TBC1D12: variants seen among roughly 807,000 people sequenced by gnomAD.
TBC1D12 encodes the protein TBC1 domain family member 12.
A neutral mutation model predicts 86.7 loss-of-function variants in TBC1D12; 56 were observed. The ratio of observed to expected loss-of-function variants is 0.65; its 90% confidence interval spans 0.52 to 0.81. The LOEUF is 0.81. Ranked by LOEUF, TBC1D12 falls within the 30% of genes least tolerant of loss-of-function variation. The probability of loss-of-function intolerance (pLI) is 0.00; values close to 1 mark genes in which losing one functional copy is unlikely to be tolerated. For synonymous variants in TBC1D12, 421 were observed against 411.7 expected, an observed-to-expected ratio of 1.02 and a Z score of -0.27; for missense variants, 1,023 against 1,038.8, an observed-to-expected ratio of 0.98 and a Z score of 0.21.
intron 2 of TBC1D12, among the ~76,000 whole-genome samples, chr10:94,453,801 G>T (rs2055587284): frequency 6.6e-6 from 1 of 152,066 alleles, no homozygotes; most frequent in South Asian, 2.1e-4. Context: ...ATGGATGTAA[G>T]GTCTGTATGT....
At position 94,522,784 on chromosome 10, in the gene TBC1D12, G is replaced by A. The variant is rs563960167; in HGVS notation, c.2000+331G>A. 3.3e-5 allele frequency among the ~76,000 whole-genome samples: 5 copies of A among 152,078 alleles called. No homozygotes were observed. In the East Asian group the frequency reaches 9.7e-4, roughly 29 times the overall value. ...CAAAAACTTAGTCTTGGCCAGGCAC[G>A]GTGGCTCATGCCTGTAATCTTAGCA... On this transcript the variant is annotated intron_variant, in intron 11 of 12. Transcript: ENST00000225235.
At chr10:94,459,058 GGT>G (rs2055677990) in intron 2 of TBC1D12, among the ~76,000 whole-genome samples, 7 of 364 alleles carry the variant, frequency 0.019, no homozygotes, top group Admixed American at 0.13. Context: ...CCTACTGATT[GGT>G]CCATTTTACA....
chr10:94,450,205 T>A (rs2055528512), intron 2 of TBC1D12, among the ~76,000 whole-genome samples: 1 of 152,114 alleles, frequency 6.6e-6, no homozygotes, highest in Non-Finnish European at 1.5e-5. Context: ...AGCCTTTGAG[T>A]TATTTCAGTA....
rs761267403 is a variant in TBC1D12, at chr10:94,531,466, G to A, written c.2259+6G>A. 2 of 1,603,874 alleles carry A rather than the reference G, an allele frequency of 1.2e-6. No individual in the cohort carries two copies. The highest frequency in any genetic ancestry group is 1.7e-6 in the Non-Finnish European group (2 of 1,173,872). ...GCACCAAAAAATGGACTCAGGTAGA[G>A]TGACATTTTCTTATCTTTAATAGAT... is the stretch of plus-strand genomic sequence containing the variant. On this transcript the variant is annotated splice_donor_region_variant and intron_variant, in intron 12 of 12. Coordinates refer to ENST00000225235, the MANE Select transcript of TBC1D12 (RefSeq NM_015188.2).
intron 1 of TBC1D12, among the ~76,000 whole-genome samples, chr10:94,408,595 C>T (rs991584537): frequency 6.6e-6 from 1 of 152,086 alleles, no homozygotes; most frequent in Admixed American, 6.6e-5. Flanking sequence ...AAGTCAGCCA[C>T]GTCCTTTTTT....
At chr10:94,519,347 T>G (rs1842081163) in intron 9 of TBC1D12, among the ~76,000 whole-genome samples, 1 of 152,202 alleles carries the variant, frequency 6.6e-6, no homozygotes, top group South Asian at 2.1e-4. Flanking sequence ...GTCTCTGTGC[T>G]AGTTCCCTAT....
At chr10:94,499,358 C>G (rs545215931) in intron 5 of TBC1D12, among the ~76,000 whole-genome samples, 3 of 152,254 alleles carry the variant, frequency 2.0e-5, no homozygotes, top group East Asian at 1.9e-4. Context: ...CATTCTACCC[C>G]CTACTTTTAT....
rs754686723 is a variant in TBC1D12, at chr10:94,403,607, C to T, written c.971+23C>T. On this transcript the variant is annotated intron_variant, in intron 1 of 12. Transcript: ENST00000225235. ...CAGGTACAGCGCAGGCTGCATGGGA[C>T]TCGGGGCGGGTCCGGGGCCGGGGCC... 2 of 1,430,274 alleles carry T rather than the reference C, an allele frequency of 1.4e-6. 1 individual carries two copies. Among genetic ancestry groups the T allele is most frequent in the South Asian group, 3.2e-5 (2 of 63,258 alleles). The allele number at this position is 1,430,274 out of a possible 1,614,324, so 88.6% of individuals were successfully genotyped here. A position where few individuals can be genotyped will look rare whatever the true frequency, so the allele number is the denominator to read the frequency against.
intron 11 of TBC1D12, among the ~76,000 whole-genome samples, chr10:94,530,154 A>G (rs1363400768): frequency 6.6e-6 from 1 of 152,242 alleles, no homozygotes; most frequent in Non-Finnish European, 1.5e-5. Flanking sequence ...AAATAAACAC[A>G]CAATCAGTGT....
In TBC1D12 at chr10:94,533,043, A is replaced by G; in HGVS notation, c.2275A>G (p.Met759Val). The change falls in exon 13 of 13, where the codon ATG (methionine) becomes GTG (valine). Residue 759 changes from methionine to valine, a missense_variant. By Grantham distance (21) the Met-to-Val change is conservative. This residue lies in a region of TBC1D12 where 395 missense variants were observed against 507.7 expected (regional missense o/e 0.78). Transcript: ENST00000225235. ...TAATTTTCAGGTCTTTGCATCTGTA[A>G]TGAAGGATATTAAAGAAGGAGACAA... Reference protein sequence around the residue: ...KKWTQVFASVMKDIKEGDKNS... With the variant: ...KKWTQVFASVVKDIKEGDKNS... The G allele has an allele frequency of 6.3e-7, 1 of 1,586,422 alleles. No individual in the cohort carries two copies. The highest frequency in any genetic ancestry group is 8.6e-7 in the Non-Finnish European group (1 of 1,163,252).
Position 94,402,888 on chromosome 10 carries a change from C to T in TBC1D12, c.275C>T (p.Ala92Val). ...GGGCTCTGCTACTGTCCGCTCCCCG[C>T]TGGCCAGGCCGGCGCCCCGCCGCCC... ...EPGLCYCPLPAGQAGAPPPSA... is the reference protein window; with the variant it reads ...EPGLCYCPLPVGQAGAPPPSA... The change falls in exon 1 of 13, where the codon GCT becomes GTT. Residue 92 changes from alanine (A) to valine (V), a missense_variant. Coordinates refer to ENST00000225235, the MANE Select transcript of TBC1D12 (RefSeq NM_015188.2). 6.7e-7 allele frequency: 1 copy of T among 1,489,194 alleles called. No individual in the cohort carries two copies. The highest frequency in any genetic ancestry group is 8.9e-7 in the Non-Finnish European group (1 of 1,126,710). The allele number at this position is 1,489,194 out of a possible 1,614,324, so 92.2% of individuals were successfully genotyped here.
rs2055288151 is a variant in TBC1D12 at position 94,435,911 on chromosome 10, T to TATTTATTACAC, written c.972-5983_972-5973dup. On this transcript the variant is annotated intron_variant, in intron 1 of 12. Transcript: ENST00000225235. ...CATTGCTAGCCGGAGGTCCCGATAC[T>TATTTATTACAC]ATTTATTACACAATCTTTCCTCGTT... 2.6e-5 allele frequency among the ~76,000 whole-genome samples: 4 copies of TATTTATTACAC among 152,348 alleles called. No individual in the cohort carries two copies. In the South Asian group the frequency reaches 8.3e-4, roughly 32 times the overall value.
chr10:94,404,301 A>C (rs983785930), intron 1 of TBC1D12, among the ~76,000 whole-genome samples: 3 of 152,092 alleles, frequency 2.0e-5, no homozygotes, highest in Admixed American at 1.3e-4. Context: ...CAATAACTTT[A>C]GTTTTTTTAA....
rs1334215790 is a variant in TBC1D12, at chr10:94,514,165, A to C, written c.1761+2511A>C. On this transcript the variant is annotated intron_variant, in intron 9 of 12. Transcript: ENST00000225235. ...CAAGGTGGGAAGATCGCTTGAGCCC[A>C]GGAGTTTTAAGACCAGCCTGAGCAA... Among the ~76,000 whole-genome samples, 3 of 152,052 alleles carry C rather than the reference A, an allele frequency of 2.0e-5. No homozygotes were observed. In the East Asian group the frequency reaches 5.8e-4, roughly 29 times the overall value.
At chr10:94,525,032 A>G (rs1158454119) in intron 11 of TBC1D12, among the ~76,000 whole-genome samples, 1 of 152,070 alleles carries the variant, frequency 6.6e-6, no homozygotes, top group Non-Finnish European at 1.5e-5. Flanking sequence ...ACCATACCTA[A>G]TATTTCACAG....
intron 8 of TBC1D12, 113 bp downstream of exon 8, chr10:94,510,292 T>C (rs2056510981): frequency 1.6e-6 from 1 of 633,966 alleles, no homozygotes; most frequent in Non-Finnish European, 2.6e-6. Context: ...CTATAGAAAT[T>C]GGGGACCCTG....
chr10:94,518,893 G>A (rs1454153762), intron 9 of TBC1D12, among the ~76,000 whole-genome samples: 3 of 151,956 alleles, frequency 2.0e-5, no homozygotes, highest in Non-Finnish European at 2.9e-5. Context: ...AGGCCAACAT[G>A]GTAAAACCCC....
At chr10:94,489,454 T>C (rs1056290500) in intron 3 of TBC1D12, among the ~76,000 whole-genome samples, 6 of 152,166 alleles carry the variant, frequency 3.9e-5, no homozygotes, top group African/African-American at 1.4e-4. Context: ...TTCAGCGATA[T>C]GAAGTTAAAA....
At chr10:94,409,140 T>G (rs2054895796) in intron 1 of TBC1D12, among the ~76,000 whole-genome samples, 1 of 152,056 alleles carries the variant, frequency 6.6e-6, no homozygotes, top group Non-Finnish European at 1.5e-5. Flanking sequence ...CCGTATTTTC[T>G]TTTAAAAACC....
Sources: allele counts gnomAD v4.1 joint callset (sites outside exome capture counted in the v4.1 genomes callset), GRCh38; gene constraint gnomAD v4.1.1; regional missense constraint gnomAD v4.1.1; transcripts MANE v1.5; gene names NCBI Gene and HGNC (gene_info 2026-07-23, HGNC 2026-07-21).